CROT: variants seen among roughly 807,000 people sequenced by gnomAD.
CROT encodes peroxisomal carnitine O-octanoyltransferase.
CROT carries 84 observed loss-of-function variants against 89.2 expected under a neutral mutation model. That is an observed-to-expected ratio of 0.94 (90% CI 0.79 to 1.13). The LOEUF (loss-of-function observed/expected upper bound fraction) is 1.13. CROT is among the 50% of genes most tolerant of loss of function. The pLI is 0.00. For missense variants in CROT, 711 were observed against 727.8 expected, an observed-to-expected ratio of 0.98 and a Z score of 0.27; for synonymous variants, 212 against 239.5, an observed-to-expected ratio of 0.89 and a Z score of 1.06.
chr7:87,357,984 C>T (rs568345345), intron 3 of CROT, among the ~76,000 whole-genome samples: 1 of 152,268 alleles, frequency 6.6e-6, no homozygotes, highest in African/African-American at 2.4e-5. Context: ...GGGTCATGAC[C>T]AGCAAGGAAT....
intron 7 of CROT, among the ~76,000 whole-genome samples, chr7:87,370,666 G>C (rs982817026): frequency 6.6e-6 from 1 of 152,106 alleles, no homozygotes; most frequent in South Asian, 2.1e-4. Flanking sequence ...TCAAAAATTA[G>C]AACATTTCTA....
rs751486797 is a variant in CROT at position 87,369,455 on chromosome 7, A to T, written c.627A>T (p.Gly209=). Reference sequence around the variant, plus strand: ...TTGTCTTTGATGTAATACATGAAGGATGTTTGGTCACCCCGCCAGAGCTTC... The same window carrying T: ...TTGTCTTTGATGTAATACATGAAGGTTGTTTGGTCACCCCGCCAGAGCTTC... The part of the protein sequence containing the change: ...RAFVFDVIHE[G]CLVTPPELLR... The change falls in exon 7 of 18, where the codon GGA becomes GGT. Residue 209 remains glycine, a synonymous_variant. Coordinates refer to ENST00000331536, the MANE Select transcript of CROT (RefSeq NM_021151.4). The T allele has an allele frequency of 6.2e-7, 1 of 1,612,652 alleles. No individual in the cohort carries two copies. Among genetic ancestry groups the T allele is most frequent in the Non-Finnish European group, 8.5e-7 (1 of 1,179,256 alleles).
intron 6 of CROT, among the ~76,000 whole-genome samples, chr7:87,368,998 T>C (rs913110226): frequency 2.0e-5 from 3 of 152,216 alleles, no homozygotes; most frequent in Non-Finnish European, 4.4e-5. Context: ...TAATTAACAT[T>C]AAAATAATCC....
intron 13 of CROT, among the ~76,000 whole-genome samples, chr7:87,383,315 C>T (rs78229345): frequency 0.05 from 7,654 of 152,096 alleles, 622 homozygotes; most frequent in African/African-American, 0.17. Context: ...TCTACTTCCA[C>T]GAGATCAATT....
At chr7:87,366,936 G>A (rs893250575) in intron 6 of CROT, among the ~76,000 whole-genome samples, 7 of 152,188 alleles carry the variant, frequency 4.6e-5, no homozygotes, top group East Asian at 1.9e-4. Context: ...CACTTCCAGA[G>A]AAGACTGTTT....
intron 3 of CROT, among the ~76,000 whole-genome samples, chr7:87,354,949 C>G (rs1045333444): frequency 6.6e-6 from 1 of 152,074 alleles, no homozygotes; most frequent in Non-Finnish European, 1.5e-5. Flanking sequence ...TTACACAAAC[C>G]GTCTATGACA....
At chr7:87,384,300 G>A (rs1807122541) in intron 13 of CROT, among the ~76,000 whole-genome samples, 1 of 152,166 alleles carries the variant, frequency 6.6e-6, no homozygotes, top group South Asian at 2.1e-4. Context: ...GGGAGGCCGA[G>A]GTGGGCAGAT....
intron 3 of CROT, among the ~76,000 whole-genome samples, chr7:87,355,660 G>C (rs1453743393): frequency 1.3e-5 from 2 of 152,114 alleles, no homozygotes; most frequent in African/African-American, 4.8e-5. Context: ...TGTGTCACTA[G>C]CGAGACACAG....
At chr7:87,379,745 A>G (rs182585278) in intron 10 of CROT, among the ~76,000 whole-genome samples, 65 of 152,350 alleles carry the variant, frequency 4.3e-4, no homozygotes, top group African/African-American at 1.5e-3. Context: ...ATTAAATTCC[A>G]TGGAGGTTTC....
chr7:87,365,092 A>G (rs957947774), intron 6 of CROT, among the ~76,000 whole-genome samples: 1 of 152,156 alleles, frequency 6.6e-6, no homozygotes, highest in African/African-American at 2.4e-5. Context: ...TTTCTTCAGC[A>G]TCAGTGAGGG....
chr7:87,386,040 T>C (rs1456172171), intron 13 of CROT, among the ~76,000 whole-genome samples: 1 of 152,238 alleles, frequency 6.6e-6, no homozygotes, highest in Non-Finnish European at 1.5e-5. Flanking sequence ...GAGTGATCTT[T>C]TTAATGTGCT....
intron 4 of CROT, among the ~76,000 whole-genome samples, chr7:87,360,887 G>A (rs886598238): frequency 1.3e-5 from 2 of 152,152 alleles, no homozygotes; most frequent in Non-Finnish European, 2.9e-5. Flanking sequence ...TAATACCTAA[G>A]ATCCTATAGC....
At position 87,392,646 on chromosome 7, in the gene CROT, T is replaced by C; in HGVS notation, c.1504+2T>C. On this transcript the variant is annotated splice_donor_variant, in intron 15 of 17. Coordinates refer to ENST00000331536, the MANE Select transcript of CROT (RefSeq NM_021151.4). LOFTEE classifies it high-confidence loss of function. ...TGAAAGATTGTTCAGCTGGAAAAGG[T>C]ACTTAAGTTAAAATTTTTCTGACTT... The C allele has an allele frequency of 6.2e-7, 1 of 1,612,478 alleles. No individual in the cohort carries two copies. The highest frequency in any genetic ancestry group is 1.1e-5 in the South Asian group (1 of 90,876).
intron 4 of CROT, among the ~76,000 whole-genome samples, chr7:87,361,087 G>C (rs1806252973): frequency 6.6e-6 from 1 of 151,954 alleles, no homozygotes; most frequent in African/African-American, 2.4e-5. Context: ...TCCTGCCTCA[G>C]CCTCTTGAGT....
rs771277319 is a variant in CROT at position 87,382,118 on chromosome 7, T to A, written c.1107T>A (p.Ile369=). ...ATATACCACTTCCAGAAGAGCTCAT[T>A]TTCATTGTGGATGAGAAAGTTTTAA... is the stretch of plus-strand genomic sequence containing the variant. ...VRDIPLPEEL[I]FIVDEKVLND... is the part of the protein sequence containing the mutation. Residue 369 remains isoleucine, a synonymous_variant, in exon 12 of 18, where the codon ATT becomes ATA. Coordinates refer to ENST00000331536, the MANE Select transcript of CROT (RefSeq NM_021151.4). 1.2e-6 allele frequency: 2 copies of A among 1,613,688 alleles called. No homozygotes were observed. Among genetic ancestry groups the A allele is most frequent in the African/African-American group, 2.7e-5 (2 of 75,046 alleles).
At chr7:87,357,826 T>C (rs966788733) in intron 3 of CROT, among the ~76,000 whole-genome samples, 1 of 152,222 alleles carries the variant, frequency 6.6e-6, no homozygotes, top group Non-Finnish European at 1.5e-5. Flanking sequence ...GACATTTTAG[T>C]GTGTAAATAC....
At chr7:87,379,420 T>C (rs555215993) in intron 10 of CROT, among the ~76,000 whole-genome samples, 2 of 152,230 alleles carry the variant, frequency 1.3e-5, no homozygotes, top group Non-Finnish European at 2.9e-5. Flanking sequence ...TATATTGTTA[T>C]ATAAGAGTAA....
intron 7 of CROT, among the ~76,000 whole-genome samples, chr7:87,373,441 C>T (rs553410234): frequency 1.6e-4 from 24 of 151,868 alleles, no homozygotes; most frequent in Non-Finnish European, 3.2e-4. Context: ...CCAATTTTAT[C>T]TCTTTTTTTG....
chr7:87,373,815 C>CA lies in CROT; in HGVS notation c.657-1816dup, dbSNP rs777774347. Among the ~76,000 whole-genome samples the CA allele has an allele frequency of 1.7e-3, 253 of 151,994 alleles. 2 individuals carry two copies. The highest frequency in any genetic ancestry group is 5.0e-3 in the Admixed American group (77 of 15,252). On this transcript the variant is annotated intron_variant, in intron 7 of 17. Transcript: ENST00000331536. Reference sequence around the variant, plus strand: ...ACAGAAATTTGGGAAAAGACACATTCAGCAGTGTAAGGAGAACAAATGGTC... The same window carrying CA: ...ACAGAAATTTGGGAAAAGACACATTCAAGCAGTGTAAGGAGAACAAATGGTC...
Sources: allele counts gnomAD v4.1 joint callset (sites outside exome capture counted in the v4.1 genomes callset), GRCh38; gene constraint gnomAD v4.1.1; transcripts MANE v1.5; gene names NCBI Gene and HGNC (gene_info 2026-07-23, HGNC 2026-07-21).